COL22A1: variants seen among roughly 807,000 people sequenced by gnomAD.
COL22A1 encodes the protein collagen type XXII alpha 1 chain.
A neutral mutation model predicts 248.9 loss-of-function variants in COL22A1; 221 were observed. That is an observed-to-expected ratio of 0.89 (90% CI 0.80 to 0.99). COL22A1 has a LOEUF of 0.99. Ranked by LOEUF, COL22A1 falls within the 50% of genes least tolerant of loss-of-function variation. COL22A1 has a pLI of 0.00. For missense variants in COL22A1, 2,240 were observed against 2,179.0 expected (o/e 1.03, Z -0.56); for synonymous variants, 891 against 793.4 (o/e 1.12, Z -2.07).
intron 31 of COL22A1, among the ~76,000 whole-genome samples, chr8:138,700,554 A>T (rs1827869503): frequency 6.6e-6 from 1 of 152,320 alleles, no homozygotes; most frequent in African/African-American, 2.4e-5. Flanking sequence ...TCAGGCAGGG[A>T]TGCAGGTGCG....
intron 61 of COL22A1, among the ~76,000 whole-genome samples, chr8:138,598,372 T>C (rs929449926): frequency 6.6e-6 from 1 of 152,120 alleles, no homozygotes; most frequent in African/African-American, 2.4e-5. Flanking sequence ...CAACTGCCTT[T>C]TGCACAAGGT....
chr8:138,598,567 T>C, intron 61 of COL22A1, 152 bp downstream of exon 61: 1 of 679,086 alleles, frequency 1.5e-6, no homozygotes, highest in Non-Finnish European at 2.5e-6. Flanking sequence ...GAACGGCAGA[T>C]TCAGAGAGGA....
chr8:138,813,105 G>T, intron 7 of COL22A1, 86 bp from the exon 8 acceptor site: 2 of 991,796 alleles, frequency 2.0e-6, no homozygotes, highest in Non-Finnish European at 3.2e-6. Flanking sequence ...CCCCGTCCTG[G>T]TATCTGGTTC....
chr8:138,752,987 A>C (rs1832727719), intron 21 of COL22A1, among the ~76,000 whole-genome samples: 1 of 152,212 alleles, frequency 6.6e-6, no homozygotes, highest in Non-Finnish European at 1.5e-5. Flanking sequence ...TTAACCTCAT[A>C]GTATGTTTAC....
intron 12 of COL22A1, among the ~76,000 whole-genome samples, chr8:138,789,715 C>A (rs1815864330): frequency 6.6e-6 from 1 of 152,192 alleles, no homozygotes; most frequent in African/African-American, 2.4e-5. Context: ...GGGGGATCCC[C>A]ACTCTTGTGT....
intron 41 of COL22A1, among the ~76,000 whole-genome samples, chr8:138,671,803 C>T (rs548799227): frequency 1.3e-5 from 2 of 152,324 alleles, no homozygotes; most frequent in African/African-American, 4.8e-5. Context: ...GCAAACAACA[C>T]AAACTTACGG....
At chr8:138,863,168 G>A (rs193226867) in intron 3 of COL22A1, among the ~76,000 whole-genome samples, 294 of 152,280 alleles carry the variant, frequency 1.9e-3, no homozygotes, top group African/African-American at 6.8e-3. Flanking sequence ...CCGGCTCCCC[G>A]TTTCTTTCCT....
At chr8:138,836,583 A>C (rs1430113818) in intron 4 of COL22A1, among the ~76,000 whole-genome samples, 1 of 152,282 alleles carries the variant, frequency 6.6e-6, no homozygotes, top group South Asian at 2.1e-4. Context: ...CTAGATAAAC[A>C]TGCGGCATGG....
At chr8:138,654,433 T>C (rs755562382) in intron 45 of COL22A1, among the ~76,000 whole-genome samples, 6 of 152,232 alleles carry the variant, frequency 3.9e-5, no homozygotes, top group Non-Finnish European at 8.8e-5. Context: ...ACAGTGAGAT[T>C]GAACGCCCCA....
chr8:138,635,959 C>T (rs76062281), intron 48 of COL22A1, among the ~76,000 whole-genome samples: 26 of 152,078 alleles, frequency 1.7e-4, no homozygotes, highest in Non-Finnish European at 3.1e-4. Context: ...AGTTTGTCTG[C>T]GAGTCATTCC....
rs201781262 is a variant in COL22A1 at position 138,679,604 on chromosome 8, G to C, written c.3072+13C>G. 1.0e-4 allele frequency: 167 copies of C among 1,612,168 alleles called. 1 individual carries two copies. In the East Asian group the frequency reaches 2.4e-3, roughly 23 times the overall value. On this transcript the variant is annotated intron_variant, in intron 40 of 64. Transcript: ENST00000303045. Reference sequence around the variant, plus strand: ...CTGTCTTTTTGCAAATGTTTGCATAGATCTTCACTGACCTTAACACATTGC... The same window carrying C: ...CTGTCTTTTTGCAAATGTTTGCATACATCTTCACTGACCTTAACACATTGC...
chr8:138,812,851 C>T (rs1586807388), intron 8 of COL22A1, 88 bp downstream of exon 8: 5 of 1,031,074 alleles, frequency 4.8e-6, no homozygotes, highest in South Asian at 1.3e-5. Flanking sequence ...TGACCACCAA[C>T]CACCCAACCC....
chr8:138,673,067 C>T (rs765372785), intron 41 of COL22A1, among the ~76,000 whole-genome samples: 17 of 152,186 alleles, frequency 1.1e-4, no homozygotes, highest in Non-Finnish European at 2.5e-4. Flanking sequence ...TCATTCATCC[C>T]CCTGCCTGGT....
intron 11 of COL22A1, among the ~76,000 whole-genome samples, chr8:138,800,441 C>T (rs987646801): frequency 6.6e-6 from 1 of 152,116 alleles, no homozygotes; most frequent in African/African-American, 2.4e-5. Flanking sequence ...TCACAGAGTT[C>T]CTCATGTTGC....
At chr8:138,660,973 C>CAA (rs1823867445) in intron 43 of COL22A1, among the ~76,000 whole-genome samples, 3 of 65,932 alleles carry the variant, frequency 4.6e-5, no homozygotes, top group African/African-American at 1.2e-4. Context: ...CGCACACACA[C>CAA]ATACACACAC....
At chr8:138,622,238 G>T (rs1280281375) in intron 52 of COL22A1, among the ~76,000 whole-genome samples, 1 of 152,178 alleles carries the variant, frequency 6.6e-6, no homozygotes, top group Non-Finnish European at 1.5e-5. Flanking sequence ...AGATAAGCCT[G>T]ATGCATCTGA....
intron 12 of COL22A1, among the ~76,000 whole-genome samples, chr8:138,788,879 T>C (rs898257482): frequency 6.6e-6 from 1 of 152,212 alleles, no homozygotes; most frequent in Non-Finnish European, 1.5e-5. Flanking sequence ...ATTATTATAG[T>C]TGTTAATTTA....
chr8:138,691,589 G>C (rs2130899500), intron 35 of COL22A1, among the ~76,000 whole-genome samples: 1 of 151,620 alleles, frequency 6.6e-6, no homozygotes, highest in East Asian at 2.0e-4. Context: ...GTGTGCATTT[G>C]TGAAGGTGTG....
At chr8:138,653,282 C>T (rs537081456) in intron 45 of COL22A1, among the ~76,000 whole-genome samples, 7 of 152,224 alleles carry the variant, frequency 4.6e-5, no homozygotes, top group Admixed American at 2.6e-4. Context: ...CCTTCATCTC[C>T]GAATCTCTAT....
Sources: allele counts gnomAD v4.1 joint callset (sites outside exome capture counted in the v4.1 genomes callset), GRCh38; gene constraint gnomAD v4.1.1; transcripts MANE v1.5; gene names NCBI Gene and HGNC (gene_info 2026-07-23, HGNC 2026-07-21).